The following ADGRB3 variants were observed in gnomAD, a reference collection of about 807,000 sequenced individuals.
ADGRB3 encodes the protein adhesion G protein-coupled receptor B3, also known as brain-specific angiogenesis inhibitor 3.
In ADGRB3, 37 loss-of-function variants were observed where a neutral mutation model predicts 193.4. The observed-to-expected ratio is 0.19, with a 90% confidence interval of 0.15 to 0.25. The LOEUF is 0.25. ADGRB3 is among the 10% of genes least tolerant of loss of function. The pLI, the probability that ADGRB3 is intolerant of heterozygous loss-of-function variation, is 1.00. For synonymous variants in ADGRB3, 690 were observed against 644.2 expected (o/e 1.07, Z -1.08); for missense variants, 1,637 against 1,852.9 (o/e 0.88, Z 2.14).
chr6:69,233,460 A>G, intron 18 of ADGRB3, 44 bp downstream of exon 18: 1 of 1,611,068 alleles, frequency 6.2e-7, no homozygotes, highest in Non-Finnish European at 8.5e-7. Context: ...AAAGACAGGG[A>G]TATTGTGGCT....
At chr6:69,339,197 C>G in intron 25 of ADGRB3, 136 bp from the exon 26 acceptor site, 1 of 1,193,562 alleles carries the variant, frequency 8.4e-7, no homozygotes, top group Non-Finnish European at 1.2e-6. Flanking sequence ...ATAAGACTCT[C>G]AAATGTCATC....
Position 69,007,693 on chromosome 6 carries a change from T to A in ADGRB3, c.1930-6345T>A, listed in dbSNP as rs10455679. Among the ~76,000 whole-genome samples, 891 of 90,124 alleles carry A rather than the reference T, an allele frequency of 9.9e-3. 9 individuals are homozygous for A. The highest frequency in any genetic ancestry group is 0.024 in the African/African-American group (610 of 24,916). 59.1% of individuals were successfully genotyped at this position (90,124 alleles called of 152,430 possible). A position where few individuals can be genotyped will look rare whatever the true frequency, so the allele number is the denominator to read the frequency against. ...CTCTCTCTCTCTCTCTCTCTCTCTC[T>A]CACACACACACACACACACACACAC... On this transcript the variant is annotated intron_variant, in intron 11 of 31. Coordinates refer to ENST00000370598, the MANE Select transcript of ADGRB3 (RefSeq NM_001704.3).
intron 17 of ADGRB3, among the ~76,000 whole-genome samples, chr6:69,203,430 A>G (rs1238238734): frequency 6.6e-6 from 1 of 151,028 alleles, no homozygotes; most frequent in South Asian, 2.1e-4. Context: ...CCTTCTTTCT[A>G]TTAGTCTCTC....
At chr6:69,047,947 T>C (rs948692239) in intron 13 of ADGRB3, among the ~76,000 whole-genome samples, 3 of 152,194 alleles carry the variant, frequency 2.0e-5, no homozygotes, top group Admixed American at 1.3e-4. Context: ...CACTCCATTA[T>C]TGACCACCAT....
intron 20 of ADGRB3, among the ~76,000 whole-genome samples, chr6:69,314,602 T>C (rs764559336): frequency 6.6e-6 from 1 of 151,602 alleles, no homozygotes; most frequent in Non-Finnish European, 1.5e-5. Context: ...TATTTAATGA[T>C]GAACCAAGAG....
intron 3 of ADGRB3, among the ~76,000 whole-genome samples, chr6:68,652,427 G>A (rs1472746587): frequency 2.0e-5 from 3 of 152,064 alleles, no homozygotes; most frequent in South Asian, 2.1e-4. Context: ...TGTCTGGAGC[G>A]AGTTTGTCCT....
chr6:69,290,259 G>A (rs541642265), intron 20 of ADGRB3, among the ~76,000 whole-genome samples: 36 of 152,248 alleles, frequency 2.4e-4, no homozygotes, highest in Middle Eastern at 3.4e-3. Flanking sequence ...CCTGGCACAA[G>A]ATCTGTGCTT....
chr6:69,102,305 G>A (rs1352419165), intron 17 of ADGRB3, among the ~76,000 whole-genome samples: 2 of 151,920 alleles, frequency 1.3e-5, no homozygotes, highest in East Asian at 3.9e-4. Context: ...GTGAGCCCAA[G>A]CAGCAGACAC....
At chr6:68,890,036 A>G (rs1378346237) in intron 3 of ADGRB3, among the ~76,000 whole-genome samples, 1 of 152,244 alleles carries the variant, frequency 6.6e-6, no homozygotes, top group Non-Finnish European at 1.5e-5. Flanking sequence ...ATTTCTCAAA[A>G]GTATATGCAA....
intron 11 of ADGRB3, among the ~76,000 whole-genome samples, chr6:69,013,039 T>C (rs1582393780): frequency 6.6e-6 from 1 of 151,998 alleles, no homozygotes; most frequent in Non-Finnish European, 1.5e-5. Context: ...AAGATAAACG[T>C]CATGCCTTCC....
At chr6:68,919,348 C>T (rs1227954657) in intron 3 of ADGRB3, among the ~76,000 whole-genome samples, 1 of 152,114 alleles carries the variant, frequency 6.6e-6, no homozygotes, top group Non-Finnish European at 1.5e-5. Context: ...GCGAAATGTA[C>T]AGCAAGGAGT....
intron 20 of ADGRB3, among the ~76,000 whole-genome samples, chr6:69,253,887 C>A (rs1057384706): frequency 1.3e-5 from 2 of 152,002 alleles, no homozygotes; most frequent in Non-Finnish European, 2.9e-5. Flanking sequence ...AGATCAAAAA[C>A]TCATGAGCCA....
intron 3 of ADGRB3, among the ~76,000 whole-genome samples, chr6:68,858,610 AAC>A (rs1291625893): frequency 3.3e-5 from 5 of 149,668 alleles, no homozygotes; most frequent in Non-Finnish European, 3.0e-5. Flanking sequence ...AAAAAAAAAA[AAC>A]ACAGCATAAA....
At chr6:68,713,119 T>G (rs1311823089) in intron 3 of ADGRB3, among the ~76,000 whole-genome samples, 2 of 151,824 alleles carry the variant, frequency 1.3e-5, no homozygotes, top group Admixed American at 6.6e-5. Flanking sequence ...CAGATAAAAC[T>G]TAGGTTTATG....
intron 17 of ADGRB3, among the ~76,000 whole-genome samples, chr6:69,139,727 T>C (rs1468811882): frequency 6.6e-6 from 1 of 152,180 alleles, no homozygotes; most frequent in African/African-American, 2.4e-5. Flanking sequence ...GTTATGTAAA[T>C]TGTACAAGCT....
chr6:68,858,862 C>A (rs1276371444), intron 3 of ADGRB3, among the ~76,000 whole-genome samples: 1 of 152,176 alleles, frequency 6.6e-6, no homozygotes, highest in Non-Finnish European at 1.5e-5. Context: ...ACCCTTTGGG[C>A]CTGTAATGGT....
intron 3 of ADGRB3, among the ~76,000 whole-genome samples, chr6:68,705,529 AACTCTGTGTCTC>A (rs1374091355): frequency 5.9e-5 from 9 of 152,198 alleles, no homozygotes; most frequent in African/African-American, 1.7e-4. Context: ...CTAGGCTTCT[AACTCTGTGTCTC>A]ACTCTGTGTC....
rs71745062 is a variant in ADGRB3, at chr6:68,661,341, ATGTGTGTGTGTGTGTGTGTGTG to A, written c.757+21911_757+21932del. Among the ~76,000 whole-genome samples the A allele has an allele frequency of 2.6e-3, 146 of 56,722 alleles. 2 individuals carry two copies. Among genetic ancestry groups the A allele is most frequent in the Middle Eastern group, 0.013 (2 of 154 alleles). 37.2% of individuals were successfully genotyped at this position (56,722 alleles called of 152,430 possible). A position where few individuals can be genotyped will look rare whatever the true frequency, so the allele number is the denominator to read the frequency against. On this transcript the variant is annotated intron_variant, in intron 3 of 31. Transcript: ENST00000370598. ...TGTGTGTGTGTATATATATATATAT[ATGTGTGTGTGTGTGTGTGTGTG>A]TATATATATGTGTATACATATATAT...
chr6:69,246,353 T>G (rs1434057605), intron 20 of ADGRB3, among the ~76,000 whole-genome samples: 1 of 152,184 alleles, frequency 6.6e-6, no homozygotes, highest in Non-Finnish European at 1.5e-5. Flanking sequence ...TGTAAAATGA[T>G]TTGAAGGTAA....
Sources: gnomAD v4.1 joint callset for allele counts (sites outside exome capture counted in the v4.1 genomes callset) on GRCh38, gnomAD v4.1.1 for gene constraint, MANE v1.5 for transcripts, NCBI Gene and HGNC (gene_info 2026-07-23, HGNC 2026-07-21) for gene names.